VPS53: variants seen among roughly 807,000 people sequenced by gnomAD.
VPS53 encodes the protein VPS53 subunit of GARP complex, also known as vacuolar protein sorting-associated protein 53 homolog.
In VPS53, 70 loss-of-function variants were observed where a neutral mutation model predicts 107.0. That is an observed-to-expected ratio of 0.65 (90% CI 0.54 to 0.80). The LOEUF (loss-of-function observed/expected upper bound fraction) is 0.80. Among genes scored for constraint, VPS53 ranks in the 30% least tolerant of loss-of-function variants. VPS53 has a pLI of 0.00. For missense variants in VPS53, 917 were observed against 1,049.4 expected, an observed-to-expected ratio of 0.87 and a Z score of 1.74; for synonymous variants, 409 against 393.3, an observed-to-expected ratio of 1.04 and a Z score of -0.47.
intron 4 of VPS53, among the ~76,000 whole-genome samples, chr17:666,091 G>A (rs1474024836): frequency 6.6e-6 from 1 of 152,178 alleles, no homozygotes; most frequent in Non-Finnish European, 1.5e-5. Flanking sequence ...GAGGTGATAG[G>A]TTGGGATTTA....
rs1435887054 is a variant in VPS53 at position 599,768 on chromosome 17, A to T, written c.1218+2027T>A. Among the ~76,000 whole-genome samples, 192 of 136,888 alleles carry T rather than the reference A, an allele frequency of 1.4e-3. 1 individual carries two copies. Among genetic ancestry groups the T allele is most frequent in the African/African-American group, 4.6e-3 (177 of 38,510 alleles). The allele number at this position is 136,888 out of a possible 152,430, so 89.8% of individuals were successfully genotyped here. ...ATCAATAAAAAATAAATAAATTAAA[A>T]AAAAAAACAAAAACAAAATGACTTG... is the stretch of plus-strand genomic sequence containing the variant. On this transcript the variant is annotated intron_variant, in intron 12 of 21. Transcript: ENST00000437048.
chr17:625,988 A>T (rs1408043627), intron 10 of VPS53, among the ~76,000 whole-genome samples: 1 of 152,214 alleles, frequency 6.6e-6, no homozygotes, highest in Non-Finnish European at 1.5e-5. Flanking sequence ...CAAATAAAGA[A>T]TAAAAGGAGT....
intron 4 of VPS53, among the ~76,000 whole-genome samples, chr17:664,733 A>G (rs1452766398): frequency 6.6e-6 from 1 of 152,202 alleles, no homozygotes; most frequent in Non-Finnish European, 1.5e-5. Context: ...AGTGTCCACG[A>G]GACGGTGGAG....
intron 1 of VPS53, chr17:714,410 C>A: frequency 1.7e-6 from 1 of 578,262 alleles, no homozygotes; most frequent in Non-Finnish European, 3.0e-6. Flanking sequence ...ACCCCCAGCC[C>A]TCGCCAAAGA....
intron 18 of VPS53, 105 bp from the exon 19 acceptor site, chr17:533,016 G>A (rs1232589104): frequency 1.3e-6 from 2 of 1,486,284 alleles, no homozygotes; most frequent in South Asian, 1.3e-5. Context: ...CTTTTTTAAT[G>A]AAGAATCGAA....
At chr17:652,279 G>C (rs1970984018) in intron 7 of VPS53, among the ~76,000 whole-genome samples, 2 of 152,194 alleles carry the variant, frequency 1.3e-5, no homozygotes, top group African/African-American at 4.8e-5. Context: ...ACAGGTGTGA[G>C]CCACCATACC....
intron 11 of VPS53, among the ~76,000 whole-genome samples, chr17:606,440 G>C (rs1968582363): frequency 6.6e-6 from 1 of 152,094 alleles, no homozygotes; most frequent in Non-Finnish European, 1.5e-5. Flanking sequence ...GATGGGATGA[G>C]GCATGCGTGT....
chr17:528,225 A>G (rs186525646), intron 19 of VPS53, among the ~76,000 whole-genome samples: 53 of 152,344 alleles, frequency 3.5e-4, no homozygotes, highest in Admixed American at 6.5e-4. Context: ...CACCCCAGAA[A>G]GAAACCCTTA....
At chr17:648,317 A>G (rs369696) in intron 7 of VPS53, among the ~76,000 whole-genome samples, 150,816 of 152,344 alleles carry the variant, frequency 0.99, 74,678 homozygotes, top group East Asian at 1. Context: ...GGAGACTGAG[A>G]CAGGTGGATC....
At chr17:671,666 A>G (rs1052919833) in intron 4 of VPS53, among the ~76,000 whole-genome samples, 8 of 151,692 alleles carry the variant, frequency 5.3e-5, no homozygotes, top group East Asian at 1.9e-4. Flanking sequence ...TCTGCTGTCC[A>G]AGAGCTGACC....
In VPS53 at chr17:553,416, C is replaced by T. The variant is rs755346659; in HGVS notation, c.1751G>A (p.Arg584Gln). Residue 584 changes from arginine (R) to glutamine (Q), a missense_variant, in exon 16 of 22, where the codon CGA (arginine) becomes CAA (glutamine). Coordinates refer to ENST00000437048, the MANE Select transcript of VPS53 (RefSeq NM_001128159.3). ...GTCCATCTCTCCAGTCAGATTGATT[C>T]GTTCAATCAGACTTACATCCACTTT... ...KEKVDVSLIE[R>Q]INLTGEMDTF... 1.2e-5 allele frequency: 19 copies of T among 1,613,964 alleles called. No homozygotes were observed. The Admixed American group carries it at 1.7e-4, about 14-fold the overall frequency.
At chr17:525,336 G>A (rs1457771145) in intron 19 of VPS53, among the ~76,000 whole-genome samples, 1 of 152,132 alleles carries the variant, frequency 6.6e-6, no homozygotes, top group Non-Finnish European at 1.5e-5. Context: ...AGATGGGCAG[G>A]GTGGGGTTCA....
Position 515,057 on chromosome 17 carries a change from C to T in VPS53, c.*4071G>A, listed in dbSNP as rs1045474159. On this transcript the variant is annotated 3_prime_UTR_variant, in exon 22 of 22. Transcript: ENST00000437048. ...GTCCCCTCAGTAAGAGCAGAGTGAA[C>T]TCTTTATTGATTATACAAATTACCA... is the stretch of plus-strand genomic sequence containing the variant. The T allele has an allele frequency of 5.3e-5, 8 of 152,178 alleles. No individual in the cohort carries two copies. The highest frequency in any genetic ancestry group is 1.2e-4 in the Non-Finnish European group (8 of 68,036). The allele number at this position is 152,178 out of a possible 1,614,324, so 9.4% of individuals were successfully genotyped here.
intron 11 of VPS53, among the ~76,000 whole-genome samples, chr17:621,993 C>T (rs936725752): frequency 1.4e-4 from 22 of 152,056 alleles, no homozygotes; most frequent in Non-Finnish European, 4.4e-5. Context: ...GGGCAGATCA[C>T]CTGAGGTCAG....
intron 11 of VPS53, among the ~76,000 whole-genome samples, chr17:612,133 T>C (rs1385587346): frequency 6.6e-5 from 10 of 151,584 alleles, no homozygotes; most frequent in Non-Finnish European, 1.5e-4. Flanking sequence ...AGTATTCAAA[T>C]AGTGAATTCA....
intron 13 of VPS53, among the ~76,000 whole-genome samples, chr17:572,564 A>G (rs1597322488): frequency 6.6e-6 from 1 of 151,940 alleles, no homozygotes; most frequent in South Asian, 2.1e-4. Context: ...CATGATGACA[A>G]TGGCGGTTTT....
chr17:563,824 C>T (rs1465597938), intron 13 of VPS53, among the ~76,000 whole-genome samples: 1 of 152,164 alleles, frequency 6.6e-6, no homozygotes, highest in Admixed American at 6.5e-5. Flanking sequence ...ACATCACGAA[C>T]CTAAATGTGC....
intron 12 of VPS53, among the ~76,000 whole-genome samples, chr17:591,849 TGTTGATTTGGGGTGGAGA>T (rs1967677087): frequency 4.6e-5 from 7 of 152,316 alleles, no homozygotes; most frequent in Admixed American, 3.9e-4. Flanking sequence ...ATGTATATTC[TGTTGATTTGGGGTGGAGA>T]GTTGATTTGG....
intron 7 of VPS53, among the ~76,000 whole-genome samples, chr17:634,920 G>A (rs200599354): frequency 0.34 from 50,290 of 148,322 alleles, 10,320 homozygotes; most frequent in Non-Finnish European, 0.46. Flanking sequence ...CAGTAATGGG[G>A]TGGCTGGGTC....
Sources: gnomAD v4.1 joint callset for allele counts (sites outside exome capture counted in the v4.1 genomes callset) on GRCh38, gnomAD v4.1.1 for gene constraint, MANE v1.5 for transcripts, NCBI Gene and HGNC (gene_info 2026-07-23, HGNC 2026-07-21) for gene names.